PCDH11X: variants seen among roughly 807,000 people sequenced by gnomAD.
The protein encoded by PCDH11X is protocadherin-11 X-linked.
In PCDH11X, 18 loss-of-function variants were observed where a neutral mutation model predicts 53.3. That is an observed-to-expected ratio of 0.34 (90% CI 0.23 to 0.50). The LOEUF is 0.50. Among genes scored for constraint, PCDH11X ranks in the 20% least tolerant of loss-of-function variants. The pLI is 0.98. For missense variants in PCDH11X, 570 were observed against 1,032.4 expected (o/e 0.55, Z 6.14); for synonymous variants, 279 against 393.3 (o/e 0.71, Z 3.44).
intron 9 of PCDH11X, among the ~76,000 whole-genome samples, chrX:92,402,860 A>G (rs1244111715): frequency 2.7e-5 from 3 of 111,882 alleles, no homozygotes; most frequent in Non-Finnish European, 5.6e-5. Context: ...TATAAGGAAC[A>G]ACTGCTAAAT....
rs959397613 is a variant in PCDH11X at position 92,573,663 on chromosome X, A to C, written c.3368-44601A>C. On this transcript the variant is annotated intron_variant, in intron 10 of 10. Coordinates refer to ENST00000682573, the MANE Select transcript of PCDH11X (RefSeq NM_032968.5). ...TTTCATAAATACCCATTTTGTCTTT[A>C]AATTTTGCCAGTTTCATAGAAATAA... Among the ~76,000 whole-genome samples, 51 of 110,784 alleles carry C rather than the reference A, an allele frequency of 4.6e-4. 1 individual carries two copies. Among genetic ancestry groups the C allele is most frequent in the Non-Finnish European group, 1.9e-5 (1 of 52,916 alleles).
chrX:92,104,281 T>G (rs1227118593), intron 6 of PCDH11X, among the ~76,000 whole-genome samples: 7 of 109,339 alleles, frequency 6.4e-5, no homozygotes, highest in African/African-American at 1.7e-4. Context: ...GCTCAGCCTG[T>G]CGAGGAGGGG....
At chrX:92,233,860 T>C (rs1464717511) in intron 7 of PCDH11X, among the ~76,000 whole-genome samples, 1 of 112,139 alleles carries the variant, frequency 8.9e-6, no homozygotes, top group Non-Finnish European at 1.9e-5. Flanking sequence ...TCATTTTTAT[T>C]GTTGTATTCA....
At chrX:91,999,312 C>A (rs189172417) in intron 6 of PCDH11X, among the ~76,000 whole-genome samples, 2 of 111,845 alleles carry the variant, frequency 1.8e-5, no homozygotes, top group East Asian at 2.8e-4. Flanking sequence ...TTCCATTTAA[C>A]AGTTTTTATT....
At chrX:92,338,569 T>C in intron 8 of PCDH11X, among the ~76,000 whole-genome samples, 1 of 110,809 alleles carries the variant, frequency 9.0e-6, no homozygotes, top group East Asian at 2.8e-4. Context: ...CCCCACTACC[T>C]ATCACTATCT....
intron 8 of PCDH11X, among the ~76,000 whole-genome samples, chrX:92,313,478 T>C (rs1419509846): frequency 9.0e-6 from 1 of 111,317 alleles, no homozygotes; most frequent in Non-Finnish European, 1.9e-5. Flanking sequence ...TACATTTGAA[T>C]ATCTTCTATG....
chrX:92,351,713 C>T (rs1450745277), intron 8 of PCDH11X, among the ~76,000 whole-genome samples: 4 of 111,561 alleles, frequency 3.6e-5, no homozygotes, highest in Non-Finnish European at 7.5e-5. Flanking sequence ...CTTTAGCTCA[C>T]TTCATAATTC....
At chrX:92,316,847 C>G (rs1200624137) in intron 8 of PCDH11X, among the ~76,000 whole-genome samples, 1 of 110,114 alleles carries the variant, frequency 9.1e-6, no homozygotes, top group African/African-American at 3.3e-5. Flanking sequence ...AAGCAACTTC[C>G]TTTCTGAATT....
At chrX:92,217,050 A>G (rs1471782200) in intron 7 of PCDH11X, among the ~76,000 whole-genome samples, 1 of 111,532 alleles carries the variant, frequency 9.0e-6, no homozygotes, top group African/African-American at 3.3e-5. Context: ...CTCCTGAAGG[A>G]AACACTAAAC....
At chrX:92,136,435 AG>A (rs57315234) in intron 6 of PCDH11X, among the ~76,000 whole-genome samples, 51,199 of 108,578 alleles carry the variant, frequency 0.47, 9,151 homozygotes, top group East Asian at 0.55. Flanking sequence ...TAGGTACCTC[AG>A]GAGATAAGAA....
intron 8 of PCDH11X, among the ~76,000 whole-genome samples, chrX:92,363,454 A>G (rs1338726018): frequency 9.1e-6 from 1 of 109,989 alleles, no homozygotes; most frequent in Non-Finnish European, 1.9e-5. Flanking sequence ...CATATTGTTC[A>G]TTGTTAGTGT....
chrX:92,017,061 G>GCT (rs1225489658), intron 6 of PCDH11X, among the ~76,000 whole-genome samples: 1 of 100,707 alleles, frequency 9.9e-6, no homozygotes, highest in Non-Finnish European at 2.0e-5. Flanking sequence ...ACATGGAAAG[G>GCT]GCCAGTTCAC....
chrX:92,375,142 TTATATATA>T (rs1260512423), intron 8 of PCDH11X, among the ~76,000 whole-genome samples: 5 of 12,979 alleles, frequency 3.9e-4, no homozygotes, highest in South Asian at 6.8e-3. Context: ...TTCCATTCAT[TTATATATA>T]TATATATATA....
At chrX:91,822,058 C>T (rs1180937373) in intron 4 of PCDH11X, among the ~76,000 whole-genome samples, 1 of 108,302 alleles carries the variant, frequency 9.2e-6, no homozygotes, top group Non-Finnish European at 1.9e-5. Context: ...TTTTGATGTG[C>T]TGCTGGATTT....
chrX:92,463,305 T>C (rs770174916), intron 9 of PCDH11X, among the ~76,000 whole-genome samples: 130 of 111,527 alleles, frequency 1.2e-3, no homozygotes, highest in African/African-American at 4.0e-3. Context: ...GATGTGAACA[T>C]GAGGGGGTAA....
intron 8 of PCDH11X, among the ~76,000 whole-genome samples, chrX:92,303,376 C>T (rs1406836833): frequency 5.4e-5 from 6 of 110,290 alleles, no homozygotes; most frequent in Non-Finnish European, 1.1e-4. Context: ...GACAGAGTTT[C>T]AAGAAGGAAA....
At chrX:91,981,978 G>A (rs916361089) in intron 6 of PCDH11X, among the ~76,000 whole-genome samples, 11 of 108,069 alleles carry the variant, frequency 1.0e-4, no homozygotes, top group African/African-American at 3.7e-4. Context: ...TTGTCACCAT[G>A]TGATTACAAT....
chrX:92,259,855 C>A (rs778440871), intron 7 of PCDH11X, among the ~76,000 whole-genome samples: 1 of 111,481 alleles, frequency 9.0e-6, no homozygotes, highest in Non-Finnish European at 1.9e-5. Context: ...GCAGCAGATA[C>A]TCTTATTTCC....
At chrX:92,398,100 T>C (rs1324984186) in intron 9 of PCDH11X, among the ~76,000 whole-genome samples, 1 of 112,133 alleles carries the variant, frequency 8.9e-6, no homozygotes, top group Non-Finnish European at 1.9e-5. Flanking sequence ...GCAAAACAGC[T>C]TAACTTCTGA....
Sources: gnomAD v4.1 joint callset for allele counts (sites outside exome capture counted in the v4.1 genomes callset) on GRCh38, gnomAD v4.1.1 for gene constraint, MANE v1.5 for transcripts, NCBI Gene and HGNC (gene_info 2026-07-23, HGNC 2026-07-21) for gene names.